PARD3B: variants seen among roughly 807,000 people sequenced by gnomAD.
PARD3B encodes partitioning defective 3 homolog B.
Under a neutral mutation model 130.2 loss-of-function variants are expected in PARD3B, and 103 were observed. The ratio of observed to expected loss-of-function variants is 0.79; its 90% CI spans 0.67 to 0.93. The LOEUF is 0.93. Ranked by LOEUF, PARD3B falls within the 40% of genes least tolerant of loss-of-function variation. The pLI is 0.00. For missense variants in PARD3B, 1,609 were observed against 1,499.2 expected, an observed-to-expected ratio of 1.07 and a Z score of -1.21; for synonymous variants, 583 against 553.2, an observed-to-expected ratio of 1.05 and a Z score of -0.76.
intron 16 of PARD3B, among the ~76,000 whole-genome samples, chr2:205,299,190 C>T (rs1268142116): frequency 2.0e-5 from 3 of 152,106 alleles, no homozygotes; most frequent in Admixed American, 6.6e-5. Context: ...TACATCAGTG[C>T]TTTTTTGTAC....
chr2:204,919,988 G>T (rs1393340681), intron 2 of PARD3B, among the ~76,000 whole-genome samples: 2 of 151,494 alleles, frequency 1.3e-5, no homozygotes, highest in Non-Finnish European at 2.9e-5. Flanking sequence ...TGCAGAGTCT[G>T]CCCTTTACAT....
rs77699720 is a variant in PARD3B at position 205,017,390 on chromosome 2, T to C, written c.395-30191T>C. On this transcript the variant is annotated intron_variant, in intron 3 of 22. Coordinates refer to ENST00000406610, the MANE Select transcript of PARD3B (RefSeq NM_001302769.2). Reference sequence around the variant, plus strand: ...CTGAAGATCCACCTGGTTATTTTGCTGAGCCTCAGTTGCCCCCCCATTCCT... The same window carrying C: ...CTGAAGATCCACCTGGTTATTTTGCCGAGCCTCAGTTGCCCCCCCATTCCT... Among the ~76,000 whole-genome samples, 1,053 of 152,312 alleles carry C rather than the reference T, an allele frequency of 6.9e-3. 11 individuals are homozygous for C. Among genetic ancestry groups the C allele is most frequent in the African/African-American group, 0.024 (997 of 41,560 alleles).
In PARD3B at chr2:205,380,392, AAT is replaced by A. The variant is rs1491436218; in HGVS notation, c.2631-20614_2631-20613del. ...TATATATTATATATAATATATAAAG[AAT>A]ATATATTATATATAATATATAAAGA... On this transcript the variant is annotated intron_variant, in intron 18 of 22. Coordinates refer to ENST00000406610, the MANE Select transcript of PARD3B (RefSeq NM_001302769.2). Among the ~76,000 whole-genome samples the A allele has an allele frequency of 2.4e-4, 8 of 33,856 alleles. 2 individuals carry two copies. Among genetic ancestry groups the A allele is most frequent in the African/African-American group, 1.2e-3 (8 of 6,608 alleles). The allele number at this position is 33,856 out of a possible 152,430, so 22.2% of individuals were successfully genotyped here.
Position 204,649,611 on chromosome 2 carries a change from C to T in PARD3B, c.121-36570C>T, listed in dbSNP as rs138611813. The stretch of plus-strand genomic sequence containing the variant: ...AATAGAGAGCCCAGAAATAGGGCTG[C>T]ACACCTACAATTATGTGATCTTTGA... On this transcript the variant is annotated intron_variant, in intron 1 of 22. Transcript: ENST00000406610. 3.3e-3 allele frequency among the ~76,000 whole-genome samples: 507 copies of T among 152,034 alleles called. 2 individuals are homozygous for T. The highest frequency in any genetic ancestry group is 0.012 in the African/African-American group (480 of 41,486).
chr2:204,899,363 T>G (rs1289425786), intron 2 of PARD3B, among the ~76,000 whole-genome samples: 10 of 151,966 alleles, frequency 6.6e-5, no homozygotes, highest in Admixed American at 6.6e-4. Context: ...TTTCTTGCTT[T>G]ATATTGTTCG....
At chr2:204,959,662 G>T (rs1430584985) in intron 2 of PARD3B, among the ~76,000 whole-genome samples, 1 of 152,110 alleles carries the variant, frequency 6.6e-6, no homozygotes. Flanking sequence ...ACAAGGTAAA[G>T]GAATGAGAAA....
chr2:205,275,289 A>G, intron 16 of PARD3B, among the ~76,000 whole-genome samples: 1 of 152,198 alleles, frequency 6.6e-6, no homozygotes, highest in Non-Finnish European at 1.5e-5. Flanking sequence ...TTGTATGAGA[A>G]GACGAAAGAT....
chr2:205,185,360 A>C (rs2036037502), intron 13 of PARD3B, among the ~76,000 whole-genome samples: 1 of 152,240 alleles, frequency 6.6e-6, no homozygotes, highest in Non-Finnish European at 1.5e-5. Flanking sequence ...CTACTGAAGC[A>C]AATGCTTTAA....
intron 2 of PARD3B, among the ~76,000 whole-genome samples, chr2:204,777,618 A>T (rs2041676833): frequency 6.6e-6 from 1 of 152,142 alleles, no homozygotes; most frequent in Non-Finnish European, 1.5e-5. Flanking sequence ...AAATTAAAAA[A>T]ATTAGCCAGG....
intron 1 of PARD3B, among the ~76,000 whole-genome samples, chr2:204,680,355 T>C (rs1233396640): frequency 6.6e-6 from 1 of 152,054 alleles, no homozygotes; most frequent in African/African-American, 2.4e-5. Flanking sequence ...AATTTATAGG[T>C]CCAAGGTTTT....
At chr2:205,570,618 C>T (rs2053527727) in intron 22 of PARD3B, among the ~76,000 whole-genome samples, 2 of 152,126 alleles carry the variant, frequency 1.3e-5, no homozygotes, top group Admixed American at 1.3e-4. Flanking sequence ...ACAAAACCTT[C>T]CCAGCATAGA....
intron 20 of PARD3B, among the ~76,000 whole-genome samples, chr2:205,472,309 T>C (rs1163109938): frequency 1.3e-5 from 2 of 152,084 alleles, no homozygotes; most frequent in Admixed American, 6.6e-5. Flanking sequence ...ACACACACTT[T>C]CTCTTTAGTG....
intron 19 of PARD3B, among the ~76,000 whole-genome samples, chr2:205,411,395 C>T (rs945851053): frequency 6.6e-6 from 1 of 151,984 alleles, no homozygotes; most frequent in Non-Finnish European, 1.5e-5. Flanking sequence ...AGATGCATGG[C>T]CAAATGGAAA....
intron 22 of PARD3B, among the ~76,000 whole-genome samples, chr2:205,573,577 A>G (rs73060180): frequency 0.019 from 2,949 of 152,308 alleles, 98 homozygotes; most frequent in African/African-American, 0.067. Context: ...TAGAATTTAA[A>G]CTGAATCCTT....
At chr2:205,296,896 G>A (rs1255923320) in intron 16 of PARD3B, among the ~76,000 whole-genome samples, 6 of 151,526 alleles carry the variant, frequency 4.0e-5, no homozygotes, top group Non-Finnish European at 4.4e-5. Flanking sequence ...AAAATATGTG[G>A]CATTTTTTTA....
intron 21 of PARD3B, among the ~76,000 whole-genome samples, chr2:205,501,065 C>T (rs138135644): frequency 3.8e-4 from 58 of 152,186 alleles, no homozygotes; most frequent in Non-Finnish European, 6.8e-4. Context: ...TAGAGTCTGG[C>T]GACTGAGCTG....
intron 10 of PARD3B, among the ~76,000 whole-genome samples, chr2:205,145,242 C>A (rs535579060): frequency 5.9e-5 from 9 of 152,106 alleles, no homozygotes; most frequent in African/African-American, 2.2e-4. Flanking sequence ...TTAACTATGG[C>A]ACTTCCTAAG....
At chr2:205,319,950 G>A (rs772887212) in intron 18 of PARD3B, among the ~76,000 whole-genome samples, 5 of 151,956 alleles carry the variant, frequency 3.3e-5, no homozygotes, top group African/African-American at 9.7e-5. Context: ...AGGCCAAGGC[G>A]GGCAGATCAT....
At chr2:205,212,989 T>C (rs1394585159) in intron 15 of PARD3B, among the ~76,000 whole-genome samples, 1 of 152,138 alleles carries the variant, frequency 6.6e-6, no homozygotes, top group Non-Finnish European at 1.5e-5. Context: ...CTTAAAGATG[T>C]TGACTTATAT....
Sources: allele counts gnomAD v4.1 joint callset (sites outside exome capture counted in the v4.1 genomes callset), GRCh38; gene constraint gnomAD v4.1.1; transcripts MANE v1.5; gene names NCBI Gene and HGNC (gene_info 2026-07-23, HGNC 2026-07-21).